RABGAP1L: variants seen among roughly 807,000 people sequenced by gnomAD.
RABGAP1L encodes RAB GTPase activating protein 1 like.
RABGAP1L carries 63 observed loss-of-function variants against 137.7 expected under a neutral mutation model. That is an observed-to-expected ratio of 0.46 (90% CI 0.37 to 0.56). The LOEUF (loss-of-function observed/expected upper bound fraction) is 0.56. Among genes scored for constraint, RABGAP1L ranks in the 20% least tolerant of loss-of-function variants. The pLI is 0.00. For missense variants in RABGAP1L, 1,095 were observed against 1,244.0 expected, an observed-to-expected ratio of 0.88 and a Z score of 1.80; for synonymous variants, 431 against 433.7, an observed-to-expected ratio of 0.99 and a Z score of 0.08.
At chr1:174,250,337 C>T (rs992432880) in intron 5 of RABGAP1L, 138 bp from the exon 6 acceptor site, 1 of 560,846 alleles carries the variant, frequency 1.8e-6, no homozygotes, top group Non-Finnish European at 2.9e-6. Flanking sequence ...ATGATAAATA[C>T]TTAGACTATA....
intron 11 of RABGAP1L, among the ~76,000 whole-genome samples, chr1:174,356,428 A>G (rs2049991): frequency 0.5 from 75,587 of 151,862 alleles, 21,364 homozygotes; most frequent in African/African-American, 0.78. Flanking sequence ...GTGTGTTTTC[A>G]CCCCAATTTT....
rs1157901936 is a variant in RABGAP1L at position 174,656,213 on chromosome 1, T to G, written c.1824+18725T>G. On this transcript the variant is annotated intron_variant, in intron 14 of 25. Coordinates refer to ENST00000681986, the MANE Select transcript of RABGAP1L (RefSeq NM_001366446.1). ...GGCTTACGCCTGTAATCCCAGCACT[T>G]TGGGAGGCCACGGCGGGTGGATGAC... is the stretch of plus-strand genomic sequence containing the variant. Among the ~76,000 whole-genome samples, 3 of 152,196 alleles carry G rather than the reference T, an allele frequency of 2.0e-5. No homozygotes were observed. The East Asian group carries it at 5.8e-4, about 29-fold the overall frequency.
intron 19 of RABGAP1L, among the ~76,000 whole-genome samples, chr1:174,858,467 G>T (rs929977655): frequency 2.6e-5 from 4 of 152,132 alleles, no homozygotes; most frequent in Non-Finnish European, 4.4e-5. Flanking sequence ...GCCAATGATT[G>T]TGCAAAGCAT....
rs192793642 is a variant in RABGAP1L at position 174,520,482 on chromosome 1, A to G, written c.1711-116893A>G. ...TAACAACATCAAATATATAAACTGA[A>G]TTGTTTTTACTTTCTCACTAATCAT... is the stretch of plus-strand genomic sequence containing the variant. On this transcript the variant is annotated intron_variant, in intron 13 of 25. Coordinates refer to ENST00000681986, the MANE Select transcript of RABGAP1L (RefSeq NM_001366446.1). Among the ~76,000 whole-genome samples the G allele has an allele frequency of 4.5e-4, 68 of 152,312 alleles. 1 individual carries two copies. The East Asian group carries it at 0.012, about 26-fold the overall frequency.
intron 17 of RABGAP1L, among the ~76,000 whole-genome samples, chr1:174,747,239 C>A (rs1036555813): frequency 6.6e-6 from 1 of 151,650 alleles, no homozygotes; most frequent in Non-Finnish European, 1.5e-5. Context: ...CTCATCTCTA[C>A]GAAAAAATTA....
At chr1:174,687,465 A>G (rs1678561772) in intron 15 of RABGAP1L, among the ~76,000 whole-genome samples, 1 of 152,222 alleles carries the variant, frequency 6.6e-6, no homozygotes, top group Non-Finnish European at 1.5e-5. Context: ...CTAATTTTTA[A>G]TTGGCAGTAT....
intron 14 of RABGAP1L, among the ~76,000 whole-genome samples, chr1:174,673,525 C>T (rs915941895): frequency 6.6e-6 from 1 of 151,956 alleles, no homozygotes; most frequent in Non-Finnish European, 1.5e-5. Flanking sequence ...AGTTGAGTAA[C>T]GAATTTGATT....
chr1:174,940,082 C>G (rs1012440205), intron 19 of RABGAP1L, among the ~76,000 whole-genome samples: 1 of 152,122 alleles, frequency 6.6e-6, no homozygotes, highest in Non-Finnish European at 1.5e-5. Flanking sequence ...AGGAATAGCT[C>G]ATAACAGCCA....
rs1226286013 is a variant in RABGAP1L, at chr1:174,969,297, G to A, written c.2454G>A (p.Gln818=). 11 of 1,550,756 alleles carry A rather than the reference G, an allele frequency of 7.1e-6. No homozygotes were observed. Among genetic ancestry groups the A allele is most frequent in the Middle Eastern group, 1.7e-4 (1 of 6,016 alleles). The change falls in exon 21 of 26, where the codon CAG becomes CAA. Residue 818 remains glutamine, a synonymous_variant. Coordinates refer to ENST00000681986, the MANE Select transcript of RABGAP1L (RefSeq NM_001366446.1). Reference sequence around the variant, plus strand: ...TGCAGAGGGAGAACCGAAGATTACAGGAGGCCAGCATGAGGTTGGAACAAG... The same window carrying A: ...TGCAGAGGGAGAACCGAAGATTACAAGAGGCCAGCATGAGGTTGGAACAAG... ...DRYKRENRRL[Q]EASMRLEQEN...
At chr1:174,452,604 C>G (rs563960206) in intron 13 of RABGAP1L, among the ~76,000 whole-genome samples, 2 of 152,088 alleles carry the variant, frequency 1.3e-5, no homozygotes, top group South Asian at 4.2e-4. Context: ...CTCTGTTGCC[C>G]AGGCTGGAGT....
chr1:174,476,262 T>A (rs1571974185), intron 13 of RABGAP1L, among the ~76,000 whole-genome samples: 3 of 152,330 alleles, frequency 2.0e-5, no homozygotes, highest in Admixed American at 2.0e-4. Context: ...ATGCTATTTT[T>A]ATTTTAATTG....
At chr1:174,923,361 A>T (rs910594097) in intron 19 of RABGAP1L, among the ~76,000 whole-genome samples, 1 of 152,196 alleles carries the variant, frequency 6.6e-6, no homozygotes, top group Non-Finnish European at 1.5e-5. Context: ...GTATTCAGTG[A>T]ATGTTTATTG....
At chr1:174,226,064 A>G (rs542823881) in intron 3 of RABGAP1L, among the ~76,000 whole-genome samples, 60 of 151,752 alleles carry the variant, frequency 4.0e-4, no homozygotes, top group African/African-American at 1.3e-3. Flanking sequence ...TTTCTCAGAT[A>G]CTCTCTAGTT....
intron 11 of RABGAP1L, among the ~76,000 whole-genome samples, chr1:174,360,247 AT>A (rs5778800): frequency 3.9e-4 from 59 of 151,568 alleles, no homozygotes; most frequent in African/African-American, 1.0e-3. Context: ...AAAAGTTAAA[AT>A]TTTTTTTTGC....
In RABGAP1L at chr1:174,630,285, T is replaced by TC. The variant is rs1263712885; in HGVS notation, c.1711-7089dup. On this transcript the variant is annotated intron_variant, in intron 13 of 25. Transcript: ENST00000681986. ...TAAGCTTTTTGATGTGCTGCTGGAT[T>TC]CGGTTTGCCAGTATTTTATTGAGGA... Among the ~76,000 whole-genome samples the TC allele has an allele frequency of 1.5e-3, 157 of 104,504 alleles. 1 individual carries two copies. In the Admixed American group the frequency reaches 0.016, roughly 11 times the overall value. The allele number at this position is 104,504 out of a possible 152,430, so 68.6% of individuals were successfully genotyped here. A position where few individuals can be genotyped will look rare whatever the true frequency, so the allele number is the denominator to read the frequency against.
chr1:174,537,565 T>C (rs1664988482), intron 13 of RABGAP1L, among the ~76,000 whole-genome samples: 1 of 152,194 alleles, frequency 6.6e-6, no homozygotes, highest in Non-Finnish European at 1.5e-5. Context: ...ATAAATGCTA[T>C]ACACCATCAT....
At chr1:174,901,052 GC>G (rs1658057347) in intron 19 of RABGAP1L, among the ~76,000 whole-genome samples, 2 of 151,924 alleles carry the variant, frequency 1.3e-5, no homozygotes, top group Non-Finnish European at 2.9e-5. Context: ...TAGTCTTCAA[GC>G]TCTGAAATTC....
intron 19 of RABGAP1L, among the ~76,000 whole-genome samples, chr1:174,882,311 A>G (rs1434717572): frequency 6.6e-6 from 1 of 152,172 alleles, no homozygotes; most frequent in African/African-American, 2.4e-5. Context: ...GATTCCTTGA[A>G]TGGTAAAAAT....
intron 18 of RABGAP1L, among the ~76,000 whole-genome samples, chr1:174,780,171 C>T (rs1469619092): frequency 6.6e-6 from 1 of 151,992 alleles, no homozygotes; most frequent in Non-Finnish European, 1.5e-5. Flanking sequence ...TTGGGTATGG[C>T]CTCACATTGT....
Sources: gnomAD v4.1 joint callset for allele counts (sites outside exome capture counted in the v4.1 genomes callset) on GRCh38, gnomAD v4.1.1 for gene constraint, MANE v1.5 for transcripts, NCBI Gene and HGNC (gene_info 2026-07-23, HGNC 2026-07-21) for gene names.